The following ASXL3 variants were observed in gnomAD, a reference collection of about 807,000 sequenced individuals.
ASXL3 encodes ASXL transcriptional regulator 3.
A neutral mutation model predicts 170.6 loss-of-function variants in ASXL3; 34 were observed. The ratio of observed to expected loss-of-function variants is 0.20; its 90% CI spans 0.15 to 0.27. ASXL3 has a LOEUF of 0.27. Among genes scored for constraint, ASXL3 ranks in the 10% least tolerant of loss-of-function variants. ASXL3 has a pLI of 1.00. For missense variants in ASXL3, 2,592 were observed against 2,695.3 expected (o/e 0.96, Z 0.85); for synonymous variants, 1,002 against 989.1 (o/e 1.01, Z -0.24).
intron 5 of ASXL3, 58 bp downstream of exon 5, chr18:33,661,795 T>C: frequency 6.5e-7 from 1 of 1,541,408 alleles, no homozygotes; most frequent in Non-Finnish European, 8.8e-7. Context: ...AGGTAATGTG[T>C]GTTTTGCTGA....
In ASXL3 at chr18:33,578,592, T is replaced by C; in HGVS notation, c.-40T>C. On this transcript the variant is annotated 5_prime_UTR_variant, in exon 1 of 12. Transcript: ENST00000269197. Reference sequence around the variant, plus strand: ...CCCGAACCCCGAGCACCCCGTGGAATCCCCCACGTCATCATCAGAACCATC... The same window carrying C: ...CCCGAACCCCGAGCACCCCGTGGAACCCCCCACGTCATCATCAGAACCATC... The C allele has an allele frequency of 8.2e-7, 1 of 1,224,420 alleles. No individual in the cohort carries two copies. The highest frequency in any genetic ancestry group is 1.1e-6 in the Non-Finnish European group (1 of 946,262). The allele number at this position is 1,224,420 out of a possible 1,614,324, so 75.8% of individuals were successfully genotyped here.
intron 4 of ASXL3, among the ~76,000 whole-genome samples, chr18:33,660,374 C>T (rs745994216): frequency 3.3e-5 from 5 of 152,036 alleles, no homozygotes; most frequent in East Asian, 3.9e-4. Context: ...TCTCACGGGC[C>T]GCATAGTTAT....
intron 1 of ASXL3, among the ~76,000 whole-genome samples, chr18:33,582,731 TG>T (rs1203171544): frequency 3.2e-4 from 48 of 150,806 alleles, no homozygotes; most frequent in South Asian, 1.7e-3. Context: ...TGTGTGTGTG[TG>T]TGTGTGTGTT....
intron 8 of ASXL3, among the ~76,000 whole-genome samples, chr18:33,731,267 G>A (rs559867693): frequency 2.6e-5 from 4 of 152,224 alleles, no homozygotes; most frequent in Admixed American, 2.6e-4. Flanking sequence ...TATAATTAGT[G>A]CTTAGGATAT....
intron 2 of ASXL3, among the ~76,000 whole-genome samples, chr18:33,614,096 T>A (rs539794681): frequency 2.4e-4 from 36 of 152,260 alleles, no homozygotes; most frequent in African/African-American, 8.7e-4. Context: ...TGTTCTGTAT[T>A]GATTGACACT....
intron 8 of ASXL3, among the ~76,000 whole-genome samples, chr18:33,692,286 T>G (rs1404238013): frequency 6.6e-6 from 1 of 152,152 alleles, no homozygotes; most frequent in Non-Finnish European, 1.5e-5. Flanking sequence ...TATAATTATG[T>G]TTTTTTAAAA....
chr18:33,643,767 T>G (rs2065879005), intron 2 of ASXL3, among the ~76,000 whole-genome samples: 1 of 151,822 alleles, frequency 6.6e-6, no homozygotes, highest in Non-Finnish European at 1.5e-5. Context: ...CCTTGAAATT[T>G]GAAGTTAGAA....
At chr18:33,681,440 T>C (rs2066513384) in intron 7 of ASXL3, among the ~76,000 whole-genome samples, 1 of 152,142 alleles carries the variant, frequency 6.6e-6, no homozygotes, top group Non-Finnish European at 1.5e-5. Flanking sequence ...ATAATTGTCA[T>C]TTTTTAGAGA....
At chr18:33,597,158 T>C (rs1040352875) in intron 1 of ASXL3, among the ~76,000 whole-genome samples, 3 of 152,118 alleles carry the variant, frequency 2.0e-5, no homozygotes, top group Non-Finnish European at 2.9e-5. Context: ...ATATAACTTA[T>C]ATAATACATG....
At chr18:33,710,259 C>T (rs537692477) in intron 8 of ASXL3, among the ~76,000 whole-genome samples, 6 of 152,224 alleles carry the variant, frequency 3.9e-5, no homozygotes, top group African/African-American at 1.4e-4. Context: ...AAAACTCCGT[C>T]TCAAAAAAAC....
At chr18:33,677,929 G>A (rs1045970069) in intron 7 of ASXL3, among the ~76,000 whole-genome samples, 6 of 152,012 alleles carry the variant, frequency 3.9e-5, no homozygotes, top group African/African-American at 1.5e-4. Flanking sequence ...TCACTCTTTT[G>A]TGTAAGCTGA....
chr18:33,599,207 ATTAAT>A (rs2065158787), intron 1 of ASXL3, among the ~76,000 whole-genome samples: 1 of 152,136 alleles, frequency 6.6e-6, no homozygotes, highest in South Asian at 2.1e-4. Context: ...GTCAAACTAA[ATTAAT>A]TTATTTTTGA....
At position 33,745,936 on chromosome 18, in the gene ASXL3, G is replaced by A. The variant is rs1377429039; in HGVS notation, c.6088G>A (p.Ala2030Thr). The change falls in exon 12 of 12, where the codon GCT becomes ACT. Residue 2030 changes from alanine (A) to threonine (T), a missense_variant. Physicochemically the swap from Ala to Thr is moderately conservative, Grantham distance 58. Coordinates refer to ENST00000269197, the MANE Select transcript of ASXL3 (RefSeq NM_030632.3). ...PPPPPPPPPL[A>T]LPPPPPPPPP... ...GCCTCCCCCTCCCCCTCCACCCTTGGCTTTGCCCCCGCCTCCCCCCCCACC... is the reference window on the plus strand; with the variant it reads ...GCCTCCCCCTCCCCCTCCACCCTTGACTTTGCCCCCGCCTCCCCCCCCACC... The A allele has an allele frequency of 1.5e-5, 20 of 1,325,480 alleles. No individual in the cohort carries two copies. The highest frequency in any genetic ancestry group is 3.4e-5 in the South Asian group (2 of 58,188). The allele number at this position is 1,325,480 out of a possible 1,614,324, so 82.1% of individuals were successfully genotyped here.
At position 33,745,140 on chromosome 18, in the gene ASXL3, G is replaced by T; in HGVS notation, c.5292G>T (p.Leu1764Phe). The change falls in exon 12 of 12, where the codon TTG becomes TTT. Residue 1764 changes from leucine (L) to phenylalanine (F), a missense_variant. Physicochemically the swap from Leu to Phe is conservative, Grantham distance 22. Around this residue, in one of 4 missense-constraint regions of ASXL3, gnomAD observed 2,246 missense variants for 2,219.6 expected, o/e 1.01. Transcript: ENST00000269197. ...LQGNLPLEKV[L>F]PQPRLGAKLE... is the part of the protein sequence containing the mutation. ...GCAACCTGCCTTTGGAAAAAGTGTT[G>T]CCACAGCCCAGATTGGGAGCCAAGC... 1 of 1,614,000 alleles carries T rather than the reference G, an allele frequency of 6.2e-7. No homozygotes were observed.
intron 7 of ASXL3, among the ~76,000 whole-genome samples, chr18:33,677,523 A>C (rs1460425965): frequency 6.6e-6 from 1 of 152,244 alleles, no homozygotes; most frequent in Non-Finnish European, 1.5e-5. Context: ...CAAATATAAG[A>C]AACTGAAATA....
chr18:33,580,309 G>A (rs1482072851), intron 1 of ASXL3, among the ~76,000 whole-genome samples: 1 of 152,202 alleles, frequency 6.6e-6, no homozygotes, highest in East Asian at 1.9e-4. Context: ...TGTTGTCAAT[G>A]AGTTTTTGCT....
intron 2 of ASXL3, chr18:33,609,061 C>T (rs2145126786): frequency 1.0e-6 from 1 of 984,880 alleles, no homozygotes; most frequent in Non-Finnish European, 1.2e-6. Flanking sequence ...AAAGTGGAGG[C>T]AGCAGTGGAT....
chr18:33,578,781 C>G (rs1599364355), intron 1 of ASXL3, 96 bp downstream of exon 1: 2 of 767,564 alleles, frequency 2.6e-6, no homozygotes, highest in African/African-American at 1.9e-5. Flanking sequence ...ACTTCCAGCC[C>G]GAGCCGCCGC....
intron 4 of ASXL3, among the ~76,000 whole-genome samples, chr18:33,651,966 A>G (rs1398036516): frequency 2.0e-5 from 3 of 152,084 alleles, no homozygotes; most frequent in African/African-American, 2.4e-5. Flanking sequence ...AACTATGGTT[A>G]TGTGTTTCTT....
Sources: gnomAD v4.1 joint callset for allele counts (sites outside exome capture counted in the v4.1 genomes callset) on GRCh38, gnomAD v4.1.1 for gene constraint, gnomAD v4.1.1 regional missense constraint, MANE v1.5 for transcripts, NCBI Gene and HGNC (gene_info 2026-07-23, HGNC 2026-07-21) for gene names.